Variants in PLEKHG1 observed in about 807,000 individuals in gnomAD.
The protein encoded by PLEKHG1 is pleckstrin homology domain-containing family G member 1.
In PLEKHG1, 44 loss-of-function variants were observed where a neutral mutation model predicts 100.8. The ratio of observed to expected loss-of-function variants is 0.44; its 90% confidence interval spans 0.34 to 0.56. The LOEUF (loss-of-function observed/expected upper bound fraction) is 0.56. Among genes scored for constraint, PLEKHG1 ranks in the 20% least tolerant of loss-of-function variants. PLEKHG1 has a pLI of 0.01. For missense variants in PLEKHG1, 1,545 were observed against 1,720.9 expected (o/e 0.90, Z 1.81); for synonymous variants, 640 against 662.5 (o/e 0.97, Z 0.52).
intron 5 of PLEKHG1, among the ~76,000 whole-genome samples, chr6:150,799,657 C>T (rs957699562): frequency 6.6e-6 from 1 of 152,186 alleles, no homozygotes; most frequent in Non-Finnish European, 1.5e-5. Flanking sequence ...AATCTTGACT[C>T]AAGGGGAAAA....
At position 150,779,344 on chromosome 6, in the gene PLEKHG1, G is replaced by GTTTGTTTTTTT. The variant is rs1257363893; in HGVS notation, c.513-7043_513-7042insGTTTTTTTTTT. Among the ~76,000 whole-genome samples the GTTTGTTTTTTT allele has an allele frequency of 1.9e-3, 203 of 104,510 alleles. 25 individuals carry two copies. Among genetic ancestry groups the GTTTGTTTTTTT allele is most frequent in the East Asian group, 0.011 (30 of 2,848 alleles). The allele number at this position is 104,510 out of a possible 152,430, so 68.6% of individuals were successfully genotyped here. A position where few individuals can be genotyped will look rare whatever the true frequency, so the allele number is the denominator to read the frequency against. The stretch of plus-strand genomic sequence containing the variant: ...ACAGGGGGTTAAATATTGTCAAGAA[G>GTTTGTTTTTTT]TTTTTTTTTTTTTTTTTTTGAGACA... On this transcript the variant is annotated intron_variant, in intron 3 of 15. Transcript: ENST00000358517.
chr6:150,830,510 A>G (rs1776855396), intron 14 of PLEKHG1, 72 bp from the exon 16 acceptor site: 1 of 1,120,050 alleles, frequency 8.9e-7, no homozygotes, highest in East Asian at 2.4e-5. Flanking sequence ...GTGTAAACAC[A>G]GGAGAAATTC....
At chr6:150,648,866 A>C (rs1778601419) in intron 2 of PLEKHG1, among the ~76,000 whole-genome samples, 1 of 152,164 alleles carries the variant, frequency 6.6e-6, no homozygotes, top group Non-Finnish European at 1.5e-5. Context: ...ATTTATTCAC[A>C]AGGATATTTT....
chr6:150,799,352 G>C (rs1300314741), intron 5 of PLEKHG1, among the ~76,000 whole-genome samples: 1 of 152,164 alleles, frequency 6.6e-6, no homozygotes, highest in Non-Finnish European at 1.5e-5. Context: ...CATCTTGACA[G>C]TGTCCACTAT....
intron 2 of PLEKHG1, among the ~76,000 whole-genome samples, chr6:150,756,666 C>T (rs1397934560): frequency 6.6e-6 from 1 of 152,184 alleles, no homozygotes; most frequent in African/African-American, 2.4e-5. Context: ...GAGCTAATGA[C>T]TTCCAGCCTT....
chr6:150,689,716 A>G (rs1451164176), intron 3 of PLEKHG1, among the ~76,000 whole-genome samples: 1 of 152,156 alleles, frequency 6.6e-6, no homozygotes, highest in Non-Finnish European at 1.5e-5. Flanking sequence ...TTAGCCGTGC[A>G]TGGTGGCACA....
At chr6:150,812,440 G>A (rs1787587335) in intron 10 of PLEKHG1, among the ~76,000 whole-genome samples, 1 of 152,256 alleles carries the variant, frequency 6.6e-6, no homozygotes, top group Admixed American at 6.5e-5. Context: ...GCGCTAACAA[G>A]GAAAAAGCAC....
At chr6:150,829,189 C>G (rs1776776960) in intron 14 of PLEKHG1, among the ~76,000 whole-genome samples, 1 of 152,148 alleles carries the variant, frequency 6.6e-6, no homozygotes, top group South Asian at 2.1e-4. Flanking sequence ...AGGTCTTAAC[C>G]CTTTCAAGCC....
intron 2 of PLEKHG1, among the ~76,000 whole-genome samples, chr6:150,752,970 A>G (rs1783608415): frequency 6.6e-6 from 1 of 152,078 alleles, no homozygotes; most frequent in African/African-American, 2.4e-5. Context: ...AAAATTAGCT[A>G]GGCATGATGG....
intron 1 of PLEKHG1, among the ~76,000 whole-genome samples, chr6:150,619,007 C>T (rs999766588): frequency 3.3e-5 from 5 of 152,034 alleles, no homozygotes; most frequent in Non-Finnish European, 7.4e-5. Flanking sequence ...TGCTTGATCC[C>T]GGGAAGTCAA....
exon 16 of PLEKHG1, chr6:150,839,889 C>A: frequency 1.2e-6 from 2 of 1,614,066 alleles, no homozygotes; most frequent in Non-Finnish European, 1.7e-6. Flanking sequence ...CAGAGAGTCT[C>A]CCTTGAAAAT....
intron 1 of PLEKHG1, among the ~76,000 whole-genome samples, chr6:150,722,354 T>G (rs1464865015): frequency 8.2e-6 from 1 of 122,118 alleles, no homozygotes; most frequent in African/African-American, 2.8e-5. Context: ...CTTTTCTTTT[T>G]TTTTTTTTTT....
At chr6:150,670,030 G>C (rs111750937) in intron 3 of PLEKHG1, among the ~76,000 whole-genome samples, 1 of 152,132 alleles carries the variant, frequency 6.6e-6, no homozygotes, top group African/African-American at 2.4e-5. Flanking sequence ...ATAACTAAGG[G>C]ATTTTTGTGT....
intron 3 of PLEKHG1, among the ~76,000 whole-genome samples, chr6:150,669,973 T>G (rs1264131065): frequency 1.3e-5 from 2 of 152,200 alleles, no homozygotes; most frequent in Non-Finnish European, 2.9e-5. Context: ...AACCCAGATT[T>G]TGATCCTAAA....
intron 2 of PLEKHG1, among the ~76,000 whole-genome samples, chr6:150,738,284 G>A (rs547989835): frequency 2.4e-4 from 36 of 152,184 alleles, no homozygotes; most frequent in African/African-American, 7.9e-4. Context: ...TCTGCATGCC[G>A]TATAGATACA....
chr6:150,778,150 C>T lies in PLEKHG1; in HGVS notation c.513-8240C>T, dbSNP rs140850929. On this transcript the variant is annotated intron_variant, in intron 3 of 15. Transcript: ENST00000358517. ...TGCAATTCCATTCTTTTTTTTGAGA[C>T]GGAGTCTCACTCTGTTGTCCAGGCT... Among the ~76,000 whole-genome samples the T allele has an allele frequency of 5.3e-5, 8 of 152,226 alleles. No individual in the cohort carries two copies. In the East Asian group the frequency reaches 7.7e-4, roughly 15 times the overall value.
intron 1 of PLEKHG1, among the ~76,000 whole-genome samples, chr6:150,607,674 A>T (rs1372383805): frequency 6.6e-6 from 1 of 152,196 alleles, no homozygotes; most frequent in African/African-American, 2.4e-5. Flanking sequence ...GAGGAGATGC[A>T]GCCTTTAGAG....
chr6:150,775,792 G>T (rs897785811), intron 3 of PLEKHG1, among the ~76,000 whole-genome samples: 1 of 152,080 alleles, frequency 6.6e-6, no homozygotes, highest in Non-Finnish European at 1.5e-5. Flanking sequence ...CTTTTTTAGT[G>T]CATTTTCATA....
intron 1 of PLEKHG1, among the ~76,000 whole-genome samples, chr6:150,627,754 T>C (rs969779359): frequency 2.0e-5 from 3 of 152,240 alleles, no homozygotes; most frequent in Admixed American, 6.5e-5. Context: ...CAGAATTGCA[T>C]ATAAATATCT....
Sources: gnomAD v4.1 joint callset for allele counts (sites outside exome capture counted in the v4.1 genomes callset) on GRCh38, gnomAD v4.1.1 for gene constraint, MANE v1.5 for transcripts, NCBI Gene and HGNC (gene_info 2026-07-23, HGNC 2026-07-21) for gene names.